Variants in GRIN2B observed in about 807,000 individuals in gnomAD.
The protein encoded by GRIN2B is glutamate ionotropic receptor NMDA type subunit 2B.
GRIN2B carries 5 observed loss-of-function variants against 114.5 expected under a neutral mutation model. The ratio of observed to expected loss-of-function variants is 0.04; its 90% confidence interval spans 0.02 to 0.09. The LOEUF (loss-of-function observed/expected upper bound fraction) is 0.09. GRIN2B is among the 10% of genes least tolerant of loss of function. The probability of loss-of-function intolerance (pLI) is 1.00; values close to 1 mark genes in which losing one functional copy is unlikely to be tolerated. For synonymous variants in GRIN2B, 787 were observed against 745.1 expected, an observed-to-expected ratio of 1.06 and a Z score of -0.92; for missense variants, 1,108 against 1,943.5, an observed-to-expected ratio of 0.57 and a Z score of 8.08.
chr12:13,954,804 G>A (rs1319377050), intron 2 of GRIN2B, among the ~76,000 whole-genome samples: 10 of 7,882 alleles, frequency 1.3e-3, no homozygotes, highest in Non-Finnish European at 2.7e-3. Context: ...GTGAGACTCC[G>A]TCTCAGGAAA....
At chr12:13,666,250 G>A (rs570496256) in intron 5 of GRIN2B, among the ~76,000 whole-genome samples, 1 of 152,210 alleles carries the variant, frequency 6.6e-6, no homozygotes, top group African/African-American at 2.4e-5. Context: ...GCACAGATTT[G>A]CTTTAAGTTT....
In GRIN2B at chr12:13,551,312, G is replaced by A. The variant is rs1948410135; in HGVS notation, c.*11471C>T. The A allele has an allele frequency of 1.3e-5, 2 of 152,146 alleles. No individual in the cohort carries two copies. The highest frequency in any genetic ancestry group is 2.9e-5 in the Non-Finnish European group (2 of 68,038). 9.4% of individuals were successfully genotyped at this position (152,146 alleles called of 1,614,324 possible). A position where few individuals can be genotyped will look rare whatever the true frequency, so the allele number is the denominator to read the frequency against. Reference sequence around the variant, plus strand: ...CATGTGCGAATATGTATGTATCTAAGCAACAGGACTGTCTGTTCTCAGGGG... The same window carrying A: ...CATGTGCGAATATGTATGTATCTAAACAACAGGACTGTCTGTTCTCAGGGG... On this transcript the variant is annotated 3_prime_UTR_variant, in exon 14 of 14. Coordinates refer to ENST00000609686, the MANE Select transcript of GRIN2B (RefSeq NM_000834.5).
At chr12:13,693,102 T>G (rs1950229496) in intron 4 of GRIN2B, among the ~76,000 whole-genome samples, 1 of 152,122 alleles carries the variant, frequency 6.6e-6, no homozygotes, top group Admixed American at 6.6e-5. Context: ...TAGCTCACAT[T>G]TATCTTAATG....
chr12:13,856,522 A>T (rs1865663177), intron 3 of GRIN2B, among the ~76,000 whole-genome samples: 1 of 152,180 alleles, frequency 6.6e-6, no homozygotes, highest in Non-Finnish European at 1.5e-5. Flanking sequence ...AGGTGGAACT[A>T]TCAAGGTCCC....
intron 2 of GRIN2B, among the ~76,000 whole-genome samples, chr12:13,889,137 G>A (rs551700151): frequency 4.0e-5 from 6 of 151,120 alleles, no homozygotes; most frequent in African/African-American, 1.5e-4. Flanking sequence ...TAGATTTTTT[G>A]TCAATAACTG....
At chr12:13,840,320 A>T (rs1175283481) in intron 3 of GRIN2B, among the ~76,000 whole-genome samples, 1 of 152,228 alleles carries the variant, frequency 6.6e-6, no homozygotes, top group East Asian at 1.9e-4. Flanking sequence ...GCAGAATAAA[A>T]TAGGTAAAAA....
At chr12:13,928,674 G>A (rs913188364) in intron 2 of GRIN2B, among the ~76,000 whole-genome samples, 5 of 152,224 alleles carry the variant, frequency 3.3e-5, no homozygotes, top group Admixed American at 3.3e-4. Flanking sequence ...TTTGTGTGAT[G>A]ATGGAAGGTT....
chr12:13,659,793 C>A (rs1250080523), intron 5 of GRIN2B, among the ~76,000 whole-genome samples: 1 of 152,182 alleles, frequency 6.6e-6, no homozygotes, highest in East Asian at 1.9e-4. Context: ...CTTCCTGATT[C>A]CCTTAACCAG....
chr12:13,811,070 T>G (rs1864719849), intron 3 of GRIN2B, among the ~76,000 whole-genome samples: 1 of 152,240 alleles, frequency 6.6e-6, no homozygotes, highest in South Asian at 2.1e-4. Context: ...CATTAGCCAC[T>G]GCCATCTATG....
At chr12:13,713,572 A>G (rs1434682143) in intron 4 of GRIN2B, among the ~76,000 whole-genome samples, 1 of 151,958 alleles carries the variant, frequency 6.6e-6, no homozygotes, top group African/African-American at 2.4e-5. Flanking sequence ...CAGTGTTGGT[A>G]AGACGTTCTT....
chr12:13,658,589 T>C (rs963494185), intron 5 of GRIN2B, among the ~76,000 whole-genome samples: 2 of 152,094 alleles, frequency 1.3e-5, no homozygotes, highest in Admixed American at 6.5e-5. Context: ...AATAAAAACA[T>C]AGATTTTGAA....
chr12:13,797,011 C>G (rs1050908722), intron 3 of GRIN2B, among the ~76,000 whole-genome samples: 1 of 152,136 alleles, frequency 6.6e-6, no homozygotes, highest in Non-Finnish European at 1.5e-5. Flanking sequence ...TTTTGTATTT[C>G]TCACTCAAAG....
At chr12:13,657,683 G>A (rs1227114641) in intron 5 of GRIN2B, among the ~76,000 whole-genome samples, 2 of 152,084 alleles carry the variant, frequency 1.3e-5, no homozygotes, top group Non-Finnish European at 2.9e-5. Flanking sequence ...CAGGGAAGAG[G>A]GGAGTACAGA....
At chr12:13,887,929 G>A (rs1179132228) in intron 2 of GRIN2B, among the ~76,000 whole-genome samples, 1 of 152,146 alleles carries the variant, frequency 6.6e-6, no homozygotes, top group Non-Finnish European at 1.5e-5. Flanking sequence ...TATCTTAGTG[G>A]CTGTGGACTT....
intron 4 of GRIN2B, among the ~76,000 whole-genome samples, chr12:13,724,369 T>C (rs1192063897): frequency 6.6e-6 from 1 of 152,126 alleles, no homozygotes; most frequent in African/African-American, 2.4e-5. Flanking sequence ...GAGTGAACTT[T>C]GAGGAAGTTA....
intron 5 of GRIN2B, among the ~76,000 whole-genome samples, chr12:13,672,795 T>C (rs1482914690): frequency 6.6e-6 from 1 of 152,104 alleles, no homozygotes; most frequent in East Asian, 1.9e-4. Context: ...AGCAACTTCC[T>C]TTAGTACATG....
At chr12:13,607,771 A>G (rs2136468787) in intron 10 of GRIN2B, among the ~76,000 whole-genome samples, 1 of 151,750 alleles carries the variant, frequency 6.6e-6, no homozygotes, top group Non-Finnish European at 1.5e-5. Context: ...AATCTTAAGG[A>G]AATAGAGTAG....
chr12:13,902,169 A>T (rs1448861941), intron 2 of GRIN2B, among the ~76,000 whole-genome samples: 1 of 152,156 alleles, frequency 6.6e-6, no homozygotes, highest in Non-Finnish European at 1.5e-5. Flanking sequence ...ATAAATCTTG[A>T]TATCTGGTAA....
At chr12:13,798,841 C>G (rs944947076) in intron 3 of GRIN2B, among the ~76,000 whole-genome samples, 1 of 152,210 alleles carries the variant, frequency 6.6e-6, no homozygotes, top group African/African-American at 2.4e-5. Flanking sequence ...GATCTCTGTT[C>G]TGAAGGGTCT....
Sources: gnomAD v4.1 joint callset for allele counts (sites outside exome capture counted in the v4.1 genomes callset) on GRCh38, gnomAD v4.1.1 for gene constraint, MANE v1.5 for transcripts, NCBI Gene and HGNC (gene_info 2026-07-23, HGNC 2026-07-21) for gene names.